BBS9: variants seen among roughly 807,000 people sequenced by gnomAD.
BBS9 encodes the protein Bardet-Biedl syndrome 9.
Under a neutral mutation model 117.7 loss-of-function variants are expected in BBS9, and 89 were observed. That is an observed-to-expected ratio of 0.76 (90% CI 0.64 to 0.90). The LOEUF (loss-of-function observed/expected upper bound fraction) is 0.90. Among genes scored for constraint, BBS9 ranks in the 40% least tolerant of loss-of-function variants. The pLI is 0.00. For missense variants in BBS9, 982 were observed against 1,042.2 expected (o/e 0.94, Z 0.80); for synonymous variants, 379 against 370.9 (o/e 1.02, Z -0.25).
chr7:33,265,018 G>A lies in BBS9; in HGVS notation c.702+644G>A, dbSNP rs539788201. 1.7e-3 allele frequency among the ~76,000 whole-genome samples: 255 copies of A among 152,276 alleles called. 1 individual carries two copies. Among genetic ancestry groups the A allele is most frequent in the Middle Eastern group, 0.014 (4 of 294 alleles). On this transcript the variant is annotated intron_variant, in intron 7 of 22. Coordinates refer to ENST00000242067, the MANE Select transcript of BBS9 (RefSeq NM_198428.3). Reference sequence around the variant, plus strand: ...TTGAAAAGTAGTTTGAAGAAAAATTGTAAATGATGAATTCTCCATTTATTG... The same window carrying A: ...TTGAAAAGTAGTTTGAAGAAAAATTATAAATGATGAATTCTCCATTTATTG...
At chr7:33,313,388 A>G (rs1364576431) in intron 9 of BBS9, among the ~76,000 whole-genome samples, 1 of 152,180 alleles carries the variant, frequency 6.6e-6, no homozygotes, top group Non-Finnish European at 1.5e-5. Flanking sequence ...ATTTATAAAC[A>G]TATTTTGCTT....
intron 20 of BBS9, among the ~76,000 whole-genome samples, chr7:33,526,350 A>G (rs1440203269): frequency 6.6e-6 from 1 of 152,110 alleles, no homozygotes; most frequent in Non-Finnish European, 1.5e-5. Flanking sequence ...GTGTTTTCCA[A>G]CTCGGTTCCA....
Position 33,580,953 on chromosome 7 carries a change from G to C in BBS9, c.2522-23912G>C, listed in dbSNP as rs562520950. On this transcript the variant is annotated intron_variant, in intron 21 of 22. Transcript: ENST00000242067. ...GAACAGAACCTTTGGAAAAAGTAAA[G>C]GTTGTTTTGAACATTGGTAAGTATC... 3.3e-5 allele frequency among the ~76,000 whole-genome samples: 5 copies of C among 152,232 alleles called. No individual in the cohort carries two copies. The South Asian group carries it at 1.0e-3, about 32-fold the overall frequency.
At chr7:33,129,391 T>A (rs769695942), upstream of BBS9, 5 of 358,576 alleles carry the variant, frequency 1.4e-5, no homozygotes, top group African/African-American at 2.1e-5. Context: ...TCTCTGCTAA[T>A]GAGGACCAGG....
At chr7:33,157,859 GA>G (rs34736895) in intron 4 of BBS9, 151,280 of 152,184 alleles carry the variant, frequency 0.99, 75,191 homozygotes, top group East Asian at 1. Context: ...TTAATATAGA[GA>G]AAAAAACAGG....
intron 20 of BBS9, among the ~76,000 whole-genome samples, chr7:33,519,159 G>GT: frequency 6.6e-6 from 1 of 152,210 alleles, no homozygotes; most frequent in African/African-American, 2.4e-5. Context: ...TTTTAGACAC[G>GT]TTTTTCCCTG....
intron 5 of BBS9, among the ~76,000 whole-genome samples, chr7:33,204,383 G>A (rs1446593723): frequency 2.8e-5 from 4 of 145,274 alleles, no homozygotes; most frequent in African/African-American, 1.0e-4. Context: ...CTCCAGCCTG[G>A]GTGACGGAGC....
intron 21 of BBS9, among the ~76,000 whole-genome samples, chr7:33,628,528 GA>G (rs942456445): frequency 3.3e-5 from 5 of 152,170 alleles, no homozygotes; most frequent in Non-Finnish European, 4.4e-5. Context: ...AAATAGAAGA[GA>G]ACTCCCTCAA....
intron 1 of BBS9, among the ~76,000 whole-genome samples, chr7:33,143,001 GCT>G (rs1278180535): frequency 2.0e-5 from 3 of 151,304 alleles, no homozygotes; most frequent in African/African-American, 7.3e-5. Flanking sequence ...ATGGAGTCTC[GCT>G]CTGTCGCCCA....
At chr7:33,288,010 G>A (rs1423035413) in intron 9 of BBS9, among the ~76,000 whole-genome samples, 2 of 152,100 alleles carry the variant, frequency 1.3e-5, no homozygotes, top group Non-Finnish European at 2.9e-5. Flanking sequence ...AAGGATAAAC[G>A]GGTGACTTGT....
intron 21 of BBS9, among the ~76,000 whole-genome samples, chr7:33,598,227 A>G (rs1863192928): frequency 7.7e-6 from 1 of 129,580 alleles, no homozygotes; most frequent in Non-Finnish European, 1.5e-5. Context: ...CTAAGAGTTT[A>G]TGGGAAAAAA....
At chr7:33,302,767 T>C (rs539431344) in intron 9 of BBS9, among the ~76,000 whole-genome samples, 8 of 152,336 alleles carry the variant, frequency 5.3e-5, no homozygotes, top group East Asian at 1.9e-4. Context: ...TCTGGGTCTT[T>C]CGTGGTTCCA....
At chr7:33,309,464 CA>C (rs1229356708) in intron 9 of BBS9, among the ~76,000 whole-genome samples, 1 of 152,098 alleles carries the variant, frequency 6.6e-6, no homozygotes, top group Non-Finnish European at 1.5e-5. Context: ...TGAGGAAACT[CA>C]AGAAGCAAGT....
At chr7:33,534,450 A>G in intron 21 of BBS9, 1 of 499,622 alleles carries the variant, frequency 2.0e-6, no homozygotes, top group Non-Finnish European at 3.6e-6. Flanking sequence ...ACTAATAAAA[A>G]GTGGATTAGA....
At chr7:33,327,463 G>A (rs949556283) in intron 9 of BBS9, among the ~76,000 whole-genome samples, 2 of 152,146 alleles carry the variant, frequency 1.3e-5, no homozygotes, top group African/African-American at 2.4e-5. Flanking sequence ...GCTTTGGGAG[G>A]TTGAAGCAGG....
intron 1 of BBS9, among the ~76,000 whole-genome samples, chr7:33,132,380 A>C (rs1321739024): frequency 6.6e-6 from 1 of 152,236 alleles, no homozygotes. Context: ...GAATGCTTGC[A>C]AAGCATTTAG....
At chr7:33,312,646 T>C (rs1809531685) in intron 9 of BBS9, among the ~76,000 whole-genome samples, 1 of 152,170 alleles carries the variant, frequency 6.6e-6, no homozygotes, top group South Asian at 2.1e-4. Flanking sequence ...TGGGGAGAAA[T>C]AGACTTCTCT....
chr7:33,296,543 G>T (rs1180264008), intron 9 of BBS9, among the ~76,000 whole-genome samples: 1 of 152,116 alleles, frequency 6.6e-6, no homozygotes, highest in Non-Finnish European at 1.5e-5. Flanking sequence ...GAGCAATATG[G>T]AACTCCTAGT....
intron 1 of BBS9, 108 bp from the exon 2 acceptor site, chr7:33,146,134 A>G (rs1792303657): frequency 1.3e-6 from 1 of 747,546 alleles, no homozygotes; most frequent in Non-Finnish European, 2.3e-6. Context: ...TAAAAAGTTA[A>G]TATAGAAATG....
Sources: gnomAD v4.1 joint callset for allele counts (sites outside exome capture counted in the v4.1 genomes callset) on GRCh38, gnomAD v4.1.1 for gene constraint, MANE v1.5 for transcripts, NCBI Gene and HGNC (gene_info 2026-07-23, HGNC 2026-07-21) for gene names.